The following THSD4 variants were observed in gnomAD, a reference collection of about 807,000 sequenced individuals.
THSD4 encodes thrombospondin type 1 domain containing 4, also known as thrombospondin type-1 domain-containing protein 4.
THSD4 carries 69 observed loss-of-function variants against 119.0 expected under a neutral mutation model. The observed-to-expected ratio is 0.58, with a 90% confidence interval of 0.48 to 0.71. THSD4 has a LOEUF of 0.71. Among genes scored for constraint, THSD4 ranks in the 30% least tolerant of loss-of-function variants. THSD4 has a pLI of 0.00. For missense variants in THSD4, 1,393 were observed against 1,391.1 expected, an observed-to-expected ratio of 1.00 and a Z score of -0.02; for synonymous variants, 524 against 540.4, an observed-to-expected ratio of 0.97 and a Z score of 0.42.
At chr15:71,608,202 GA>G (rs1431699022) in intron 7 of THSD4, among the ~76,000 whole-genome samples, 1 of 136,184 alleles carries the variant, frequency 7.3e-6, no homozygotes, top group African/African-American at 2.8e-5. Flanking sequence ...CAGCCTGGGG[GA>G]CAGAGCAAAA....
intron 3 of THSD4, among the ~76,000 whole-genome samples, chr15:71,173,146 G>A (rs550230006): frequency 6.6e-6 from 1 of 152,142 alleles, no homozygotes; most frequent in East Asian, 1.9e-4. Flanking sequence ...TAAAAAGATT[G>A]TTAGAACTAA....
chr15:71,208,949 C>T (rs1045169547), intron 3 of THSD4, among the ~76,000 whole-genome samples: 2 of 152,126 alleles, frequency 1.3e-5, no homozygotes, highest in African/African-American at 4.8e-5. Context: ...AAATACATGG[C>T]CCCCTTAACC....
chr15:71,592,126 C>A (rs546889848), intron 7 of THSD4, among the ~76,000 whole-genome samples: 75 of 152,328 alleles, frequency 4.9e-4, no homozygotes, highest in African/African-American at 1.8e-3. Flanking sequence ...AATGTTTCCT[C>A]CATATCACAC....
chr15:71,557,443 T>C (rs1442427688), intron 7 of THSD4, among the ~76,000 whole-genome samples: 2 of 152,124 alleles, frequency 1.3e-5, no homozygotes, highest in Non-Finnish European at 2.9e-5. Flanking sequence ...TTTTCTTTCT[T>C]ATGGTTTACT....
intron 6 of THSD4, among the ~76,000 whole-genome samples, chr15:71,407,878 A>C (rs545849883): frequency 3.9e-5 from 6 of 152,310 alleles, no homozygotes; most frequent in Admixed American, 3.3e-4. Flanking sequence ...TTGCATTTTC[A>C]GCAAGTACGC....
chr15:71,463,929 G>C (rs972813040), intron 7 of THSD4, among the ~76,000 whole-genome samples: 5 of 152,260 alleles, frequency 3.3e-5, no homozygotes, highest in East Asian at 1.9e-4. Context: ...TCCTGTGCAA[G>C]ATATGTTTAT....
intron 6 of THSD4, among the ~76,000 whole-genome samples, chr15:71,324,746 C>T (rs568168281): frequency 2.0e-5 from 3 of 152,166 alleles, no homozygotes; most frequent in South Asian, 2.1e-4. Flanking sequence ...GCTTTACAAT[C>T]GTGAATTGTG....
chr15:71,685,197 C>CT (rs921386403), intron 8 of THSD4, among the ~76,000 whole-genome samples: 3 of 147,572 alleles, frequency 2.0e-5, no homozygotes, highest in Non-Finnish European at 3.0e-5. Flanking sequence ...TTGGTTTCCT[C>CT]TTTTTAAAAA....
At chr15:71,402,467 C>T (rs74750376) in intron 6 of THSD4, among the ~76,000 whole-genome samples, 1 of 152,232 alleles carries the variant, frequency 6.6e-6, no homozygotes, top group African/African-American at 2.4e-5. Context: ...GATTTGTGCC[C>T]AGTGTTCCTT....
chr15:71,313,726 A>G lies in THSD4; in HGVS notation c.1015+57011A>G, dbSNP rs186822241. 2.3e-3 allele frequency among the ~76,000 whole-genome samples: 346 copies of G among 152,270 alleles called. 3 individuals are homozygous for G. Among genetic ancestry groups the G allele is most frequent in the African/African-American group, 7.4e-3 (307 of 41,554 alleles). On this transcript the variant is annotated intron_variant, in intron 6 of 17. Coordinates refer to ENST00000261862, the MANE Select transcript of THSD4 (RefSeq NM_024817.3). ...TCATTTTTTACTTTTTGATTTTTTC[A>G]TACTTACCCCTCCCCAGAAGCAGCG...
chr15:71,313,319 T>G (rs1349383545), intron 6 of THSD4, among the ~76,000 whole-genome samples: 1 of 152,224 alleles, frequency 6.6e-6, no homozygotes, highest in African/African-American at 2.4e-5. Flanking sequence ...TGTGTGTGCA[T>G]GTGTTCAGTA....
At chr15:71,441,240 A>G (rs1272398729) in intron 7 of THSD4, among the ~76,000 whole-genome samples, 1 of 152,128 alleles carries the variant, frequency 6.6e-6, no homozygotes, top group East Asian at 1.9e-4. Context: ...AGTCATTTGC[A>G]TGGATCTTGA....
At chr15:71,232,997 G>A (rs1281104228) in intron 4 of THSD4, among the ~76,000 whole-genome samples, 1 of 152,112 alleles carries the variant, frequency 6.6e-6, no homozygotes, top group Non-Finnish European at 1.5e-5. Context: ...AGATTGGACT[G>A]GACATCATAA....
intron 1 of THSD4, among the ~76,000 whole-genome samples, chr15:71,105,044 G>T (rs946800987): frequency 6.6e-6 from 1 of 152,096 alleles, no homozygotes; most frequent in Non-Finnish European, 1.5e-5. Flanking sequence ...AAAGGGTGGG[G>T]ATATATCACC....
chr15:71,703,899 G>C (rs1313361679), intron 8 of THSD4, among the ~76,000 whole-genome samples: 1 of 152,138 alleles, frequency 6.6e-6, no homozygotes, highest in Non-Finnish European at 1.5e-5. Flanking sequence ...GCCCAGGCTG[G>C]AGTGCAGTGG....
chr15:71,660,875 T>C, intron 8 of THSD4, 141 bp downstream of exon 8: 2 of 900,526 alleles, frequency 2.2e-6, no homozygotes, highest in Admixed American at 5.4e-5. Context: ...AAGTACCACC[T>C]GGCCTGCGCC....
chr15:71,306,859 T>C (rs996455486), intron 6 of THSD4, among the ~76,000 whole-genome samples: 3 of 152,236 alleles, frequency 2.0e-5, no homozygotes, highest in African/African-American at 7.2e-5. Context: ...TGTATTAATA[T>C]CCTTGTTGCA....
rs745642225 is a variant in THSD4, at chr15:71,771,215, A to T, written c.2914+7A>T. 4 of 1,612,818 alleles carry T rather than the reference A, an allele frequency of 2.5e-6. No homozygotes were observed. In the East Asian group the frequency reaches 8.9e-5, roughly 36 times the overall value. ...GACTGTGTCCCTGAAGTTGGTAAGT[A>T]GAGATTTCAATCATGGGGGAAAGGT... On this transcript the variant is annotated splice_region_variant and intron_variant, in intron 17 of 17. Coordinates refer to ENST00000261862, the MANE Select transcript of THSD4 (RefSeq NM_024817.3).
At chr15:71,687,482 G>A (rs1009069371) in intron 8 of THSD4, among the ~76,000 whole-genome samples, 1 of 152,116 alleles carries the variant, frequency 6.6e-6, no homozygotes, top group African/African-American at 2.4e-5. Context: ...TTGGCCAGGC[G>A]CCATTGCTCA....
Sources: gnomAD v4.1 joint callset for allele counts (sites outside exome capture counted in the v4.1 genomes callset) on GRCh38, gnomAD v4.1.1 for gene constraint, MANE v1.5 for transcripts, NCBI Gene and HGNC (gene_info 2026-07-23, HGNC 2026-07-21) for gene names.